PSCA: variants seen among roughly 807,000 people sequenced by gnomAD.
PSCA encodes the protein prostate stem cell antigen.
PSCA carries 7 observed loss-of-function variants against 7.9 expected under a neutral mutation model. The ratio of observed to expected loss-of-function variants is 0.89; its 90% confidence interval spans 0.51 to 1.67. PSCA has a LOEUF of 1.67. PSCA is among the 40% of genes most tolerant of loss of function. The probability of loss-of-function intolerance (pLI) is 0.00; values close to 1 mark genes in which losing one functional copy is unlikely to be tolerated. For missense variants in PSCA, 151 were observed against 147.9 expected (o/e 1.02, Z -0.11); for synonymous variants, 61 against 68.3 (o/e 0.89, Z 0.53).
At chr8:142,680,257 G>C (rs1847445630), upstream of PSCA, 1 of 511,430 alleles carries the variant, frequency 2.0e-6, no homozygotes, top group South Asian at 2.8e-5. Context: ...TCTGGGTCTT[G>C]AGGACGTTTC....
At chr8:142,677,940 C>T (rs1554637953), upstream of PSCA, among the ~76,000 whole-genome samples, 1 of 152,104 alleles carries the variant, frequency 6.6e-6, no homozygotes, top group Non-Finnish European at 1.5e-5. Context: ...GACCTGGAGC[C>T]CCGGGGGAAG....
At chr8:142,672,413 T>C (rs1847343815) in intron 1 of PSCA, among the ~76,000 whole-genome samples, 1 of 152,178 alleles carries the variant, frequency 6.6e-6, no homozygotes, top group Non-Finnish European at 1.5e-5. Context: ...TTGCAGATGA[T>C]TCTGTGGGGC....
At chr8:142,680,425 G>A (rs1847448326), upstream of PSCA, 2 of 1,322,652 alleles carry the variant, frequency 1.5e-6, no homozygotes, top group Non-Finnish European at 2.1e-6. Flanking sequence ...AAACCCGCTG[G>A]TGTTGACTGT....
At chr8:142,678,153 G>C (rs782219399), upstream of PSCA, among the ~76,000 whole-genome samples, 1 of 152,140 alleles carries the variant, frequency 6.6e-6, no homozygotes, top group African/African-American at 2.4e-5. Context: ...CTGGGAGAGG[G>C]TCCGATTCCC....
chr8:142,676,773 A>G (rs1209623654), upstream of PSCA: 1 of 152,270 alleles, frequency 6.6e-6, no homozygotes, highest in Non-Finnish European at 1.5e-5. Context: ...CAATAGAGAA[A>G]GAGTTTAATT....
upstream of PSCA, chr8:142,680,055 G>C (rs1369341819): frequency 6.1e-6 from 1 of 162,942 alleles, no homozygotes; most frequent in African/African-American, 2.4e-5. Context: ...TGATCTGTCA[G>C]TGACGCTGTG....
At position 142,680,543 on chromosome 8, in the gene PSCA, C is replaced by T; in HGVS notation, c.5C>T (p.Ala2Val). The T allele has an allele frequency of 1.9e-6, 3 of 1,554,420 alleles. No homozygotes were observed. The highest frequency in any genetic ancestry group is 2.6e-6 in the Non-Finnish European group (3 of 1,148,488). Reference sequence around the variant, plus strand: ...GCTGTGCTGCTTGCCCTGTTGATGGCAGGCTTGGCCCTGCAGCCAGGTGAG... The same window carrying T: ...GCTGTGCTGCTTGCCCTGTTGATGGTAGGCTTGGCCCTGCAGCCAGGTGAG... The part of the protein sequence containing the change: M[A>V]GLALQPGTAL... Residue 2 changes from alanine to valine, a missense_variant, in exon 1 of 3, where the codon GCA (alanine) becomes GTA (valine). Transcript: ENST00000301258.
upstream of PSCA, among the ~76,000 whole-genome samples, chr8:142,677,504 C>T (rs1472761955): frequency 6.6e-6 from 1 of 152,230 alleles, no homozygotes; most frequent in Non-Finnish European, 1.5e-5. Flanking sequence ...CAAACACTTA[C>T]ACACCTATAA....
At chr8:142,676,081 G>T (rs587677908), upstream of PSCA, 3 of 152,234 alleles carry the variant, frequency 2.0e-5, no homozygotes, top group Non-Finnish European at 4.4e-5. Flanking sequence ...TCCTGGCCCC[G>T]GCCTCATGCC....
At position 142,681,240 on chromosome 8, in the gene PSCA, G is replaced by A. The variant is rs1328464680; in HGVS notation, c.26-87G>A. On this transcript the variant is annotated intron_variant, in intron 1 of 2. Transcript: ENST00000301258. ...GCGCCGAGGACTTCCTCAGGCCACC[G>A]CCATGGAGGCCCACCTGCCTGGGAG... is the stretch of plus-strand genomic sequence containing the variant. 1.2e-5 allele frequency: 12 copies of A among 1,012,412 alleles called. No homozygotes were observed. In the Admixed American group the frequency reaches 1.8e-4, roughly 15 times the overall value. 62.7% of individuals were successfully genotyped at this position (1,012,412 alleles called of 1,614,324 possible). A position where few individuals can be genotyped will look rare whatever the true frequency, so the allele number is the denominator to read the frequency against.
Position 142,673,764 on chromosome 8 carries a change from GC to G in PSCA, n.261+3197del, listed in dbSNP as rs1554637565. Among the ~76,000 whole-genome samples, 1 of 152,178 alleles carries G rather than the reference GC, an allele frequency of 6.6e-6. No individual in the cohort carries two copies. The highest frequency in any genetic ancestry group is 2.4e-5 in the African/African-American group (1 of 41,436). ...ACCGGCTGCGGGGTTGGTGGGCCTC[GC>G]TAGAGCCATCCATCAGTCATTAGAC... On this transcript the variant is annotated intron_variant and non_coding_transcript_variant, in intron 1 of 1. Coordinates refer to the PSCA transcript ENST00000505305. The surrounding 1 kb of genome is among the most constrained non-coding windows in gnomAD (Gnocchi z 4.6).
chr8:142,672,201 A>G (rs1847341010), intron 1 of PSCA, among the ~76,000 whole-genome samples: 1 of 151,852 alleles, frequency 6.6e-6, no homozygotes, highest in Non-Finnish European at 1.5e-5. Flanking sequence ...AACAGTCTCC[A>G]TCCCTCATAT....
upstream of PSCA, chr8:142,680,262 C>T (rs1183915303): frequency 2.5e-5 from 13 of 512,860 alleles, no homozygotes; most frequent in South Asian, 2.3e-4. Context: ...GTCTTGAGGA[C>T]GTTTCAGCCC....
Position 142,682,561 on chromosome 8 carries a change from G to T in PSCA, c.*429G>T. 1 of 416,230 alleles carries T rather than the reference G, an allele frequency of 2.4e-6. No homozygotes were observed. The highest frequency in any genetic ancestry group is 1.8e-5 in the South Asian group (1 of 55,592). 25.8% of individuals were successfully genotyped at this position (416,230 alleles called of 1,614,324 possible). The stretch of plus-strand genomic sequence containing the variant: ...GCCCGGTAAAGGCTGAGATGAAGTG[G>T]ACTGAGTAGAACTGGAGGACAGGAG... On this transcript the variant is annotated 3_prime_UTR_variant, in exon 3 of 3. Coordinates refer to ENST00000301258, the MANE Select transcript of PSCA (RefSeq NM_005672.5).
upstream of PSCA, among the ~76,000 whole-genome samples, chr8:142,679,056 C>T (rs925617515): frequency 2.6e-4 from 39 of 152,332 alleles, no homozygotes; most frequent in Admixed American, 5.2e-4. Context: ...GGGCCATAGC[C>T]ACTGCCACCA....
intron 1 of PSCA, among the ~76,000 whole-genome samples, chr8:142,671,848 G>A (rs1016428263): frequency 5.9e-5 from 9 of 152,104 alleles, no homozygotes; most frequent in Non-Finnish European, 1.2e-4. Flanking sequence ...CCTTAGGTCC[G>A]TTGTTACCTG....
intron 1 of PSCA, among the ~76,000 whole-genome samples, chr8:142,672,678 C>T (rs1401819109): frequency 1.3e-5 from 2 of 152,150 alleles, no homozygotes; most frequent in Non-Finnish European, 2.9e-5. Flanking sequence ...AGGACATGGA[C>T]TCATGTAGAT....
rs1204485954 is a variant in PSCA, at chr8:142,673,834, T to C, written n.261+3266T>C. On this transcript the variant is annotated intron_variant and non_coding_transcript_variant, in intron 1 of 1. Transcript: ENST00000505305. The surrounding 1 kb of genome is among the most constrained non-coding windows in gnomAD (Gnocchi z 4.6). ...ACATCTCACAAGGCCAATCTTAGGA[T>C]CACAATAGTGATGTTACTTGCAGGA... 6.6e-6 allele frequency among the ~76,000 whole-genome samples: 1 copy of C among 152,206 alleles called. No individual in the cohort carries two copies. Among genetic ancestry groups the C allele is most frequent in the Non-Finnish European group, 1.5e-5 (1 of 68,044 alleles).
In PSCA at chr8:142,682,321, C is replaced by T; in HGVS notation, c.*189C>T. ...CCCATGGCCCTCTCCAGGACTCCCA[C>T]CCGGCAGATCGGCTCTATTGACACA... On this transcript the variant is annotated 3_prime_UTR_variant, in exon 3 of 3. Transcript: ENST00000301258. 1 of 753,544 alleles carries T rather than the reference C, an allele frequency of 1.3e-6. No individual in the cohort carries two copies. Among genetic ancestry groups the T allele is most frequent in the Non-Finnish European group, 2.3e-6 (1 of 432,552 alleles). 46.7% of individuals were successfully genotyped at this position (753,544 alleles called of 1,614,324 possible). A position where few individuals can be genotyped will look rare whatever the true frequency, so the allele number is the denominator to read the frequency against.
Sources: allele counts gnomAD v4.1 joint callset (sites outside exome capture counted in the v4.1 genomes callset), GRCh38; gene constraint gnomAD v4.1.1; non-coding constraint Gnocchi (gnomAD v3.1); transcripts MANE v1.5; gene names NCBI Gene and HGNC (gene_info 2026-07-23, HGNC 2026-07-21).